CDKAL1: variants seen among roughly 807,000 people sequenced by gnomAD.
CDKAL1 encodes threonylcarbamoyladenosine tRNA methylthiotransferase.
In CDKAL1, 32 loss-of-function variants were observed where a neutral mutation model predicts 68.2. The ratio of observed to expected loss-of-function variants is 0.47; its 90% CI spans 0.35 to 0.63. The LOEUF (loss-of-function observed/expected upper bound fraction) is 0.63, where lower values mean the gene tolerates loss of function less well. CDKAL1 is among the 30% of genes least tolerant of loss of function. The pLI, the probability that CDKAL1 is intolerant of heterozygous loss-of-function variation, is 0.00. For synonymous variants in CDKAL1, 234 were observed against 244.3 expected, an observed-to-expected ratio of 0.96 and a Z score of 0.39; for missense variants, 606 against 696.7, an observed-to-expected ratio of 0.87 and a Z score of 1.47.
At chr6:21,052,305 A>G (rs1478310331) in intron 11 of CDKAL1, among the ~76,000 whole-genome samples, 1 of 151,650 alleles carries the variant, frequency 6.6e-6, no homozygotes, top group African/African-American at 2.4e-5. Flanking sequence ...TCTGAACGTA[A>G]TTCCTTTATT....
intron 7 of CDKAL1, among the ~76,000 whole-genome samples, chr6:20,772,524 A>G (rs1395903270): frequency 6.6e-6 from 1 of 152,256 alleles, no homozygotes; most frequent in East Asian, 1.9e-4. Context: ...AATTTGCCCC[A>G]GAAGGTATCT....
chr6:20,879,039 A>G (rs1193375578), intron 9 of CDKAL1, among the ~76,000 whole-genome samples: 4 of 151,896 alleles, frequency 2.6e-5, no homozygotes, highest in Non-Finnish European at 5.9e-5. Flanking sequence ...AGATCGCACC[A>G]TTGCACTCCA....
At chr6:20,621,774 G>T (rs72657614) in intron 4 of CDKAL1, among the ~76,000 whole-genome samples, 72,213 of 147,434 alleles carry the variant, frequency 0.49, 17,743 homozygotes, top group East Asian at 0.64. Context: ...ATACCTCAGT[G>T]TTTTTTTTTT....
At chr6:20,889,967 T>G (rs1166211353) in intron 9 of CDKAL1, among the ~76,000 whole-genome samples, 1 of 152,200 alleles carries the variant, frequency 6.6e-6, no homozygotes, top group African/African-American at 2.4e-5. Context: ...TTGACCAGGC[T>G]GGTCTCACAC....
At chr6:20,633,400 G>C (rs918226691) in intron 4 of CDKAL1, among the ~76,000 whole-genome samples, 2 of 152,178 alleles carry the variant, frequency 1.3e-5, no homozygotes, top group Admixed American at 6.5e-5. Context: ...ATATTCCATT[G>C]CATAAATATA....
intron 9 of CDKAL1, among the ~76,000 whole-genome samples, chr6:20,904,656 G>T (rs2150606897): frequency 6.6e-6 from 1 of 152,254 alleles, no homozygotes; most frequent in African/African-American, 2.4e-5. Flanking sequence ...AGGTGTGGTG[G>T]CACATGCCTG....
intron 12 of CDKAL1, among the ~76,000 whole-genome samples, chr6:21,074,465 T>C (rs1771958301): frequency 6.6e-6 from 1 of 152,176 alleles, no homozygotes; most frequent in Non-Finnish European, 1.5e-5. Flanking sequence ...CAGTATGACT[T>C]TTTGTGGGGG....
intron 13 of CDKAL1, among the ~76,000 whole-genome samples, chr6:21,186,541 T>A (rs9465987): frequency 0.27 from 40,576 of 151,872 alleles, 5,985 homozygotes; most frequent in African/African-American, 0.4. Context: ...GGTTGCCTGA[T>A]TTTCCCTAAA....
intron 5 of CDKAL1, among the ~76,000 whole-genome samples, chr6:20,684,636 C>T (rs2127796146): frequency 6.6e-6 from 1 of 152,292 alleles, no homozygotes; most frequent in South Asian, 2.1e-4. Flanking sequence ...CATTTGTATC[C>T]ACAATGAATG....
At chr6:21,017,981 A>C (rs1373234404) in intron 11 of CDKAL1, among the ~76,000 whole-genome samples, 1 of 152,242 alleles carries the variant, frequency 6.6e-6, no homozygotes, top group Non-Finnish European at 1.5e-5. Context: ...ATGAATAAAA[A>C]TAATATTGTG....
intron 4 of CDKAL1, among the ~76,000 whole-genome samples, chr6:20,612,348 G>A (rs946771285): frequency 1.3e-5 from 2 of 151,982 alleles, no homozygotes; most frequent in African/African-American, 4.8e-5. Flanking sequence ...CATAATGGTT[G>A]TACTAATTTA....
intron 7 of CDKAL1, among the ~76,000 whole-genome samples, chr6:20,776,601 A>G (rs1775181393): frequency 6.6e-6 from 1 of 152,158 alleles, no homozygotes; most frequent in Non-Finnish European, 1.5e-5. Flanking sequence ...TATGTATTTG[A>G]AGTTATTTTA....
rs569725278 is a variant in CDKAL1 at position 20,956,012 on chromosome 6, C to T, written c.909+427C>T. 3.3e-5 allele frequency among the ~76,000 whole-genome samples: 5 copies of T among 152,220 alleles called. No homozygotes were observed. The East Asian group carries it at 9.6e-4, about 29-fold the overall frequency. Reference sequence around the variant, plus strand: ...CAGAAAAGGGACTGTGCTTGAAGCTCGAGGATGAATTTTCAATTTCATCCC... The same window carrying T: ...CAGAAAAGGGACTGTGCTTGAAGCTTGAGGATGAATTTTCAATTTCATCCC... On this transcript the variant is annotated intron_variant, in intron 10 of 15. Transcript: ENST00000274695.
At position 21,003,369 on chromosome 6, in the gene CDKAL1, T is replaced by TACACAC. The variant is rs1292656062; in HGVS notation, c.1055+2998_1055+2999insCACACA. 3.8e-3 allele frequency among the ~76,000 whole-genome samples: 176 copies of TACACAC among 46,602 alleles called. 2 individuals carry two copies. Among genetic ancestry groups the TACACAC allele is most frequent in the African/African-American group, 0.015 (166 of 11,346 alleles). 30.6% of individuals were successfully genotyped at this position (46,602 alleles called of 152,430 possible). ...ATATATATATATATATATATATATA[T>TACACAC]ATACACACACACACACACACATATA... On this transcript the variant is annotated intron_variant, in intron 11 of 15. Transcript: ENST00000274695.
At chr6:21,198,179 T>A in intron 14 of CDKAL1, 75 bp downstream of exon 14, 1 of 960,280 alleles carries the variant, frequency 1.0e-6, no homozygotes, top group Non-Finnish European at 1.6e-6. Flanking sequence ...AAAGGGCATT[T>A]AAAGGGGAGA....
intron 2 of CDKAL1, among the ~76,000 whole-genome samples, chr6:20,538,039 CAAATG>C (rs1418879819): frequency 1.3e-5 from 2 of 152,146 alleles, no homozygotes. Flanking sequence ...TGAATATCTC[CAAATG>C]AAATTGCTGG....
At chr6:20,760,326 A>C (rs975536236) in intron 7 of CDKAL1, among the ~76,000 whole-genome samples, 8 of 152,166 alleles carry the variant, frequency 5.3e-5, no homozygotes, top group Admixed American at 5.2e-4. Context: ...TATCAGGATT[A>C]AAAATTTATA....
intron 6 of CDKAL1, among the ~76,000 whole-genome samples, chr6:20,747,836 T>C (rs1773727381): frequency 6.6e-6 from 1 of 152,218 alleles, no homozygotes; most frequent in Non-Finnish European, 1.5e-5. Flanking sequence ...TTTAGCTTGA[T>C]GTAGTCCCAT....
At chr6:21,191,896 C>G (rs9368287) in intron 13 of CDKAL1, among the ~76,000 whole-genome samples, 1 of 143,752 alleles carries the variant, frequency 7.0e-6, no homozygotes, top group Non-Finnish European at 1.5e-5. Context: ...AATGCAGGGT[C>G]TTGTAGAGAC....
Sources: gnomAD v4.1 joint callset for allele counts (sites outside exome capture counted in the v4.1 genomes callset) on GRCh38, gnomAD v4.1.1 for gene constraint, MANE v1.5 for transcripts, NCBI Gene and HGNC (gene_info 2026-07-23, HGNC 2026-07-21) for gene names.